VPS13C: variants seen among roughly 807,000 people sequenced by gnomAD.
VPS13C encodes intermembrane lipid transfer protein VPS13C.
A neutral mutation model predicts 456.8 loss-of-function variants in VPS13C; 358 were observed. That is an observed-to-expected ratio of 0.78 (90% CI 0.72 to 0.86). The LOEUF (loss-of-function observed/expected upper bound fraction) is 0.86, where lower values mean the gene tolerates loss of function less well. VPS13C is among the 40% of genes least tolerant of loss of function. The pLI is 0.00. For synonymous variants in VPS13C, 1,578 were observed against 1,486.7 expected (o/e 1.06, Z -1.41); for missense variants, 4,818 against 4,385.4 (o/e 1.10, Z -2.79).
chr15:62,042,272 A>C (rs1486140711), intron 2 of VPS13C, among the ~76,000 whole-genome samples: 1 of 152,292 alleles, frequency 6.6e-6, no homozygotes, highest in East Asian at 1.9e-4. Flanking sequence ...TATTCACAGA[A>C]TACTAAACAA....
chr15:61,875,422 G>T (rs1895344601), intron 76 of VPS13C, among the ~76,000 whole-genome samples: 1 of 151,924 alleles, frequency 6.6e-6, no homozygotes, highest in Non-Finnish European at 1.5e-5. Flanking sequence ...AACAAACTTT[G>T]CTTTCAGTGC....
intron 66 of VPS13C, among the ~76,000 whole-genome samples, chr15:61,894,256 C>T (rs539145619): frequency 2.8e-4 from 43 of 151,260 alleles, no homozygotes; most frequent in Non-Finnish European, 5.3e-4. Flanking sequence ...TGCAGTGAGA[C>T]GAGATTGCAC....
chr15:61,931,873 C>T (rs1435437958), intron 49 of VPS13C, among the ~76,000 whole-genome samples: 1 of 152,068 alleles, frequency 6.6e-6, no homozygotes. Flanking sequence ...AGCCACTGCG[C>T]CCCGCCTCTA....
At chr15:62,050,772 A>T (rs1439698804) in intron 1 of VPS13C, among the ~76,000 whole-genome samples, 1 of 150,578 alleles carries the variant, frequency 6.6e-6, no homozygotes, top group Non-Finnish European at 1.5e-5. Flanking sequence ...ACTGCACTCC[A>T]GCCTCAGTGA....
intron 60 of VPS13C, 127 bp from the exon 61 acceptor site, chr15:61,916,149 A>C: frequency 9.4e-7 from 1 of 1,068,872 alleles, no homozygotes; most frequent in African/African-American, 1.6e-5. Flanking sequence ...GTGAAGTACC[A>C]TGCTTACATA....
At position 61,974,385 on chromosome 15, in the gene VPS13C, T is replaced by G; in HGVS notation, c.2441A>C (p.His814Pro). 1 of 1,612,634 alleles carries G rather than the reference T, an allele frequency of 6.2e-7. No homozygotes were observed. Among genetic ancestry groups the G allele is most frequent in the Non-Finnish European group, 8.5e-7 (1 of 1,179,012 alleles). ...CATCTTCTGGTCAGAAATTCTCACA[T>G]GCATCAAAGGAAGTCCTCCTGACAC... ...FKVSGGLPLMHVRISDQKMKD... is the reference protein window; with the variant it reads ...FKVSGGLPLMPVRISDQKMKD... Residue 814 changes from histidine to proline, a missense_variant, in exon 25 of 85, where the codon CAT becomes CCT. Physicochemically the swap from His to Pro is moderately conservative, Grantham distance 77. Coordinates refer to ENST00000644861, the MANE Select transcript of VPS13C (RefSeq NM_020821.3).
At chr15:61,862,190 G>A (rs1267998965) in intron 82 of VPS13C, among the ~76,000 whole-genome samples, 1 of 151,604 alleles carries the variant, frequency 6.6e-6, no homozygotes, top group African/African-American at 2.4e-5. Flanking sequence ...AAAGGGAAAA[G>A]GAAAGGAAAG....
chr15:62,000,177 C>T (rs1282729626), intron 16 of VPS13C, among the ~76,000 whole-genome samples: 2 of 152,080 alleles, frequency 1.3e-5, no homozygotes, highest in Non-Finnish European at 2.9e-5. Flanking sequence ...GGCTGGCCAA[C>T]ATGGCAACAA....
intron 81 of VPS13C, chr15:61,864,624 T>C: frequency 1.0e-6 from 1 of 985,300 alleles, no homozygotes; most frequent in Non-Finnish European, 1.2e-6. Context: ...TATACATTTT[T>C]TAAAGTTGCT....
Position 61,873,276 on chromosome 15 carries a change from G to A in VPS13C, c.10548C>T (p.Ser3516=). ...GAAAGCCCTTTCCTCCTCTGGCCAGGCTGTCTCCAAAATCTCTGGGCTGTC... is the reference window on the plus strand; with the variant it reads ...GAAAGCCCTTTCCTCCTCTGGCCAGACTGTCTCCAAAATCTCTGGGCTGTC... The part of the protein sequence containing the change: ...LSRQPRDFGD[S]LARGGKGFLR... Residue 3516 remains serine (S), a synonymous_variant, in exon 78 of 85, where the codon AGC becomes AGT. Coordinates refer to ENST00000644861, the MANE Select transcript of VPS13C (RefSeq NM_020821.3). 2 of 1,613,548 alleles carry A rather than the reference G, an allele frequency of 1.2e-6. No individual in the cohort carries two copies. Among genetic ancestry groups the A allele is most frequent in the South Asian group, 1.1e-5 (1 of 91,048 alleles).
chr15:62,046,064 A>G (rs2048390806), intron 1 of VPS13C, among the ~76,000 whole-genome samples: 1 of 152,212 alleles, frequency 6.6e-6, no homozygotes, highest in African/African-American at 2.4e-5. Flanking sequence ...TTCTGTGTAC[A>G]TACAGTTCTC....
chr15:61,921,859 G>A (rs1190372774), intron 55 of VPS13C, 88 bp downstream of exon 55: 2 of 1,371,628 alleles, frequency 1.5e-6, no homozygotes, highest in Non-Finnish European at 2.0e-6. Context: ...AAGGATCCTA[G>A]ACCACATCTT....
At position 61,867,322 on chromosome 15, in the gene VPS13C, C is replaced by G. The variant is rs1894663964; in HGVS notation, c.10863+1337G>C. The G allele has an allele frequency of 1.3e-5, 13 of 984,694 alleles. No individual in the cohort carries two copies. The highest frequency in any genetic ancestry group is 1.6e-5 in the Non-Finnish European group (13 of 829,564). 61.0% of individuals were successfully genotyped at this position (984,694 alleles called of 1,614,324 possible). ...GCTATCATTTATTTAGCAACAGTACCAAGGGGTTAAATAGGAAAAAGAGGG... is the reference window on the plus strand; with the variant it reads ...GCTATCATTTATTTAGCAACAGTACGAAGGGGTTAAATAGGAAAAAGAGGG... On this transcript the variant is annotated intron_variant, in intron 81 of 84. Coordinates refer to ENST00000644861, the MANE Select transcript of VPS13C (RefSeq NM_020821.3). The surrounding 1 kb of genome is among the most constrained non-coding windows in gnomAD (Gnocchi z 5.0).
In VPS13C at chr15:61,983,978, C is replaced by CT; in HGVS notation, c.1755dup (p.Gly586ArgfsTer17). 6.2e-7 allele frequency: 1 copy of CT among 1,614,058 alleles called. No homozygotes were observed. Among genetic ancestry groups the CT allele is most frequent in the Non-Finnish European group, 8.5e-7 (1 of 1,179,998 alleles). On this transcript the variant is annotated frameshift_variant, in exon 20 of 85. Coordinates refer to ENST00000644861, the MANE Select transcript of VPS13C (RefSeq NM_020821.3). LOFTEE classifies it high-confidence loss of function. ...GGCACAATATCCTGCTGTCTCAAAC[C>CT]TGTTATATACCAGTGTTCTAATTTC...
At position 61,881,553 on chromosome 15, in the gene VPS13C, C is replaced by T; in HGVS notation, c.9776+10G>A. On this transcript the variant is annotated intron_variant, in intron 71 of 84. Coordinates refer to ENST00000644861, the MANE Select transcript of VPS13C (RefSeq NM_020821.3). ...ATTCTTTTAGAGAAACAGCAGGAAT[C>T]TTCACTTACTTGAACTGTAAGACTT... 1 of 1,581,928 alleles carries T rather than the reference C, an allele frequency of 6.3e-7. No homozygotes were observed. Among genetic ancestry groups the T allele is most frequent in the Admixed American group, 1.9e-5 (1 of 52,726 alleles).
intron 48 of VPS13C, among the ~76,000 whole-genome samples, chr15:61,934,943 G>C (rs941911230): frequency 1.3e-5 from 2 of 151,974 alleles, no homozygotes; most frequent in Admixed American, 6.6e-5. Context: ...AGTAGAGATG[G>C]GGTTTCACCA....
intron 37 of VPS13C, among the ~76,000 whole-genome samples, chr15:61,957,098 T>C (rs1002032788): frequency 6.6e-6 from 1 of 152,192 alleles, no homozygotes; most frequent in Non-Finnish European, 1.5e-5. Flanking sequence ...TACATTCATA[T>C]AACTGAATAG....
In VPS13C at chr15:61,974,259, G is replaced by A. The variant is rs370241064; in HGVS notation, c.2538+29C>T. 6 of 1,596,212 alleles carry A rather than the reference G, an allele frequency of 3.8e-6. No homozygotes were observed. The African/African-American group carries it at 8.1e-5, about 22-fold the overall frequency. ...TCACTGCTCTAAAACAATAAAAATA[G>A]GGTTATACATTTTATTGTATCTATT... On this transcript the variant is annotated intron_variant, in intron 25 of 84. Transcript: ENST00000644861.
At chr15:61,890,468 A>AT in intron 66 of VPS13C, 68 bp from the exon 67 acceptor site, 2 of 1,368,074 alleles carry the variant, frequency 1.5e-6, no homozygotes, top group Non-Finnish European at 2.0e-6. Context: ...TTGAACTATA[A>AT]TAACAGAAAG....
Sources: allele counts gnomAD v4.1 joint callset (sites outside exome capture counted in the v4.1 genomes callset), GRCh38; gene constraint gnomAD v4.1.1; non-coding constraint Gnocchi (gnomAD v3.1); transcripts MANE v1.5; gene names NCBI Gene and HGNC (gene_info 2026-07-23, HGNC 2026-07-21).